SLC6A4: variants seen among roughly 807,000 people sequenced by gnomAD.
The protein encoded by SLC6A4 is sodium-dependent serotonin transporter.
In SLC6A4, 22 loss-of-function variants were observed where a neutral mutation model predicts 73.4. The observed-to-expected ratio is 0.30, with a 90% CI of 0.21 to 0.43. SLC6A4 has a LOEUF of 0.43. Among genes scored for constraint, SLC6A4 ranks in the 20% least tolerant of loss-of-function variants. SLC6A4 has a pLI of 1.00. For missense variants in SLC6A4, 593 were observed against 808.5 expected (o/e 0.73, Z 3.23); for synonymous variants, 270 against 315.5 (o/e 0.86, Z 1.53).
chr17:30,202,944 C>A (rs1366536324), intron 14 of SLC6A4, among the ~76,000 whole-genome samples: 1 of 152,158 alleles, frequency 6.6e-6, no homozygotes, highest in Admixed American at 6.5e-5. Context: ...TCTGGTGCAC[C>A]CAAATGATCA....
rs1000084243 is a variant in SLC6A4 at position 30,221,401 on chromosome 17, C to A, written c.343+215G>T. ...AGAGGACCTACAGCCCATCCCAGGTCACAGCCCACCCGGGTCACAGCCCAC... is the reference window on the plus strand; with the variant it reads ...AGAGGACCTACAGCCCATCCCAGGTAACAGCCCACCCGGGTCACAGCCCAC... On this transcript the variant is annotated intron_variant, in intron 3 of 14. Transcript: ENST00000650711. Among the ~76,000 whole-genome samples, 3 of 121,586 alleles carry A rather than the reference C, an allele frequency of 2.5e-5. No individual in the cohort carries two copies. In the South Asian group the frequency reaches 7.6e-4, roughly 31 times the overall value. The allele number at this position is 121,586 out of a possible 152,430, so 79.8% of individuals were successfully genotyped here.
In SLC6A4 at chr17:30,216,036, T is replaced by G. The variant is rs752949985; in HGVS notation, c.972+46A>C. On this transcript the variant is annotated intron_variant, in intron 7 of 14. Transcript: ENST00000650711. ...CTATTTGGAGGAGGACCAGCTTCGT[T>G]TAGTAAAATGACAGACAGGTACACA... is the stretch of plus-strand genomic sequence containing the variant. 21 of 1,574,596 alleles carry G rather than the reference T, an allele frequency of 1.3e-5. 1 individual carries two copies. The South Asian group carries it at 2.3e-4, about 17-fold the overall frequency.
At chr17:30,209,067 TGG>T in intron 12 of SLC6A4, 74 bp downstream of exon 12, 1 of 1,003,384 alleles carries the variant, frequency 1.0e-6, no homozygotes, top group Admixed American at 1.9e-5. Flanking sequence ...CAGCCTTTTT[TGG>T]TGAAATCAGC....
chr17:30,206,988 G>A (rs1346724149), intron 13 of SLC6A4, among the ~76,000 whole-genome samples: 1 of 152,122 alleles, frequency 6.6e-6, no homozygotes, highest in Non-Finnish European at 1.5e-5. Context: ...TAACAGGCAT[G>A]AGCCACTGCA....
In SLC6A4 at chr17:30,216,186, T is replaced by C. The variant is rs776627175; in HGVS notation, c.868A>G (p.Ile290Val). ...VVWVTATFPY[I>V]ILSVLLVRGA... ...CTCACCAGCAGGACAGAAAGGATGA[T>C]ATAAGGGAAGGTGGCTGTCACCCAC... Residue 290 changes from isoleucine (I) to valine (V), a missense_variant, in exon 7 of 15, where the codon ATC (isoleucine) becomes GTC (valine). Ile to Val is a conservative substitution (Grantham distance 29, BLOSUM62 3). Transcript: ENST00000650711. 18 of 1,605,926 alleles carry C rather than the reference T, an allele frequency of 1.1e-5. No homozygotes were observed. Among genetic ancestry groups the C allele is most frequent in the African/African-American group, 5.4e-5 (4 of 73,866 alleles).
chr17:30,212,350 G>A (rs1011598788), intron 9 of SLC6A4, among the ~76,000 whole-genome samples: 1 of 152,216 alleles, frequency 6.6e-6, no homozygotes, highest in African/African-American at 2.4e-5. Flanking sequence ...TGAACACATG[G>A]AAAGATCTCT....
chr17:30,212,947 C>A, intron 8 of SLC6A4, 80 bp from the exon 9 acceptor site: 1 of 1,483,708 alleles, frequency 6.7e-7, no homozygotes. Context: ...TGTGCCTGCC[C>A]TGCCTTAGAC....
intron 1 of SLC6A4, among the ~76,000 whole-genome samples, chr17:30,228,718 GGCCTGGCATAA>G (rs1906998460): frequency 1.3e-5 from 2 of 152,234 alleles, no homozygotes; most frequent in South Asian, 4.1e-4. Flanking sequence ...CACCCTCCAA[GGCCTGGCATAA>G]GCTTCTATCC....
rs200129639 is a variant in SLC6A4, at chr17:30,230,633, A to C, written c.-221+4980T>G. ...AAGGCGGAAGAGGGAAGTGGGGAAAAGGGGGTTTGAAGTGGAACTACAAAA... is the reference window on the plus strand; with the variant it reads ...AAGGCGGAAGAGGGAAGTGGGGAAACGGGGGTTTGAAGTGGAACTACAAAA... On this transcript the variant is annotated intron_variant, in intron 1 of 14. Transcript: ENST00000650711. Among the ~76,000 whole-genome samples the C allele has an allele frequency of 3.9e-5, 6 of 152,194 alleles. No individual in the cohort carries two copies. In the East Asian group the frequency reaches 1.2e-3, roughly 29 times the overall value.
chr17:30,201,825 G>A (rs1161130301), intron 14 of SLC6A4, among the ~76,000 whole-genome samples: 1 of 152,194 alleles, frequency 6.6e-6, no homozygotes, highest in Non-Finnish European at 1.5e-5. Context: ...GCTGATATTT[G>A]GCCGGGTGCA....
intron 8 of SLC6A4, among the ~76,000 whole-genome samples, chr17:30,215,063 TTC>T (rs753258978): frequency 1.3e-4 from 20 of 150,972 alleles, no homozygotes; most frequent in Non-Finnish European, 1.9e-4. Flanking sequence ...CTCTCTCTCT[TTC>T]TCTCTCTCTC....
chr17:30,199,905 T>TG (rs918755957), intron 14 of SLC6A4, among the ~76,000 whole-genome samples: 3 of 152,140 alleles, frequency 2.0e-5, no homozygotes, highest in African/African-American at 7.2e-5. Flanking sequence ...AGTCCTTTTT[T>TG]TTTTTTTTTA....
intron 1 of SLC6A4, among the ~76,000 whole-genome samples, chr17:30,227,018 C>T (rs1331545926): frequency 1.3e-5 from 2 of 152,264 alleles, no homozygotes; most frequent in African/African-American, 4.8e-5. Context: ...TGCTGCCACA[C>T]ATCCCGTGGT....
chr17:30,226,877 A>AAAAAAAAAAAG lies in SLC6A4; in HGVS notation c.-220-3963_-220-3962insCTTTTTTTTTT, dbSNP rs965167639. On this transcript the variant is annotated intron_variant, in intron 1 of 14. Transcript: ENST00000650711. ...GATAGAGTGAGACTCTGTCTCAAAAAAAAAAGAAAAAGAAAGAAAAAAGAA... is the reference window on the plus strand; with the variant it reads ...GATAGAGTGAGACTCTGTCTCAAAAAAAAAAAAAAAGAAAAAGAAAAAGAAAGAAAAAAGAA... Among the ~76,000 whole-genome samples the AAAAAAAAAAAG allele has an allele frequency of 9.3e-3, 1,110 of 119,928 alleles. 42 individuals are homozygous for AAAAAAAAAAAG. Among genetic ancestry groups the AAAAAAAAAAAG allele is most frequent in the African/African-American group, 0.032 (961 of 30,050 alleles). The allele number at this position is 119,928 out of a possible 152,430, so 78.7% of individuals were successfully genotyped here.
chr17:30,206,148 A>T (rs908585491), intron 13 of SLC6A4: 3 of 151,140 alleles, frequency 2.0e-5, no homozygotes, highest in Non-Finnish European at 4.4e-5. Flanking sequence ...TGCCAAAGAG[A>T]TGTCCTAAAA....
At position 30,198,206 on chromosome 17, in the gene SLC6A4, T is replaced by G. The variant is rs1448628992; in HGVS notation, c.*250A>C. The G allele has an allele frequency of 7.5e-6, 3 of 401,120 alleles. No individual in the cohort carries two copies. The highest frequency in any genetic ancestry group is 1.3e-5 in the Non-Finnish European group (3 of 226,362). 24.8% of individuals were successfully genotyped at this position (401,120 alleles called of 1,614,324 possible). On this transcript the variant is annotated 3_prime_UTR_variant, in exon 15 of 15. Transcript: ENST00000650711. ...GTGGTTTTCATCACCTCCATCCACATCCTCACACGTCCAAAATAGGCCAGC... is the reference window on the plus strand; with the variant it reads ...GTGGTTTTCATCACCTCCATCCACAGCCTCACACGTCCAAAATAGGCCAGC...
chr17:30,207,193 G>A lies in SLC6A4; in HGVS notation c.1650+539C>T, dbSNP rs554805990. Among the ~76,000 whole-genome samples the A allele has an allele frequency of 2.0e-5, 3 of 152,246 alleles. No individual in the cohort carries two copies. In the South Asian group the frequency reaches 6.2e-4, roughly 32 times the overall value. On this transcript the variant is annotated intron_variant, in intron 13 of 14. Coordinates refer to ENST00000650711, the MANE Select transcript of SLC6A4 (RefSeq NM_001045.6). The stretch of plus-strand genomic sequence containing the variant: ...AGCCCAGACTACTCCATGGTGTTAG[G>A]AGTCAGAAGGGTGGGGAACCATGGT...
chr17:30,231,484 G>GTA (rs923748088), intron 1 of SLC6A4, among the ~76,000 whole-genome samples: 2 of 151,082 alleles, frequency 1.3e-5, no homozygotes, highest in Admixed American at 6.6e-5. Context: ...TATATAGTGT[G>GTA]TATATATATC....
chr17:30,223,595 T>TA lies in SLC6A4; in HGVS notation c.-220-681dup, dbSNP rs141622364. Among the ~76,000 whole-genome samples, 526 of 152,126 alleles carry TA rather than the reference T, an allele frequency of 3.5e-3. 1 individual carries two copies. The highest frequency in any genetic ancestry group is 0.01 in the African/African-American group (431 of 41,510). On this transcript the variant is annotated intron_variant, in intron 1 of 14. Coordinates refer to ENST00000650711, the MANE Select transcript of SLC6A4 (RefSeq NM_001045.6). ...TGCATTTTTTCTGTAAAGTGGAAAA[T>TA]AAAAATTTTAAAGGGATCGATTGTT...
Sources: gnomAD v4.1 joint callset for allele counts (sites outside exome capture counted in the v4.1 genomes callset) on GRCh38, gnomAD v4.1.1 for gene constraint, MANE v1.5 for transcripts, NCBI Gene and HGNC (gene_info 2026-07-23, HGNC 2026-07-21) for gene names.